The following BLK variants were observed in gnomAD, a reference collection of about 807,000 sequenced individuals.
The protein encoded by BLK is BLK proto-oncogene, Src family tyrosine kinase, also known as tyrosine-protein kinase Blk.
A neutral mutation model predicts 61.8 loss-of-function variants in BLK; 64 were observed. The observed-to-expected ratio is 1.03, with a 90% CI of 0.85 to 1.27. The LOEUF (loss-of-function observed/expected upper bound fraction) is 1.27. Ranked by LOEUF, BLK falls within the 50% of genes most tolerant of loss-of-function variation. The pLI, the probability that BLK is intolerant of heterozygous loss-of-function variation, is 0.00. For synonymous variants in BLK, 351 were observed against 272.0 expected (o/e 1.29, Z -2.86); for missense variants, 853 against 660.5 (o/e 1.29, Z -3.19).
chr8:11,494,878 G>A (rs1213068232), intron 1 of BLK, among the ~76,000 whole-genome samples: 1 of 152,258 alleles, frequency 6.6e-6, no homozygotes, highest in African/African-American at 2.4e-5. Flanking sequence ...GACGTGGGAT[G>A]TAGAGAGGGG....
chr8:11,495,100 G>C (rs1798316204), intron 1 of BLK, among the ~76,000 whole-genome samples: 1 of 152,366 alleles, frequency 6.6e-6, no homozygotes, highest in East Asian at 1.9e-4. Flanking sequence ...TGGGGTAACT[G>C]AATAGATGTA....
intron 6 of BLK, chr8:11,553,232 A>G: frequency 1.0e-5 from 2 of 198,954 alleles, no homozygotes; most frequent in Non-Finnish European, 2.1e-5. Context: ...GGTGTCCTTG[A>G]GCCTCTCAAG....
chr8:11,556,832 C>A lies in BLK; in HGVS notation c.947C>A (p.Ala316Asp), dbSNP rs781324612. 2 of 1,613,932 alleles carry A rather than the reference C, an allele frequency of 1.2e-6. No individual in the cohort carries two copies. Among genetic ancestry groups the A allele is most frequent in the Non-Finnish European group, 1.7e-6 (2 of 1,179,914 alleles). Residue 316 changes from alanine (A) to aspartate (D), a missense_variant, in exon 9 of 13, where the codon GCC becomes GAC. By Grantham distance (126) the Ala-to-Asp change is moderately radical. Transcript: ENST00000259089. Reference sequence around the variant, plus strand: ...ATCTACATTGTCACCGAGTACATGGCCAGAGGTGGTGCCCCCCGCAGAGCC... The same window carrying A: ...ATCTACATTGTCACCGAGTACATGGACAGAGGTGGTGCCCCCCGCAGAGCC... ...EPIYIVTEYM[A>D]RGCLLDFLKT... is the part of the protein sequence containing the mutation.
Position 11,543,494 on chromosome 8 carries a change from T to A in BLK, c.123+147T>A, listed in dbSNP as rs1800484840. 3 of 1,178,224 alleles carry A rather than the reference T, an allele frequency of 2.5e-6. No homozygotes were observed. In the African/African-American group the frequency reaches 4.6e-5, roughly 18 times the overall value. 73.0% of individuals were successfully genotyped at this position (1,178,224 alleles called of 1,614,324 possible). ...GTATAAGCAGGTGTGCCATGCAATA[T>A]AACACGCACAGGACCCGGCCTGGTT... is the stretch of plus-strand genomic sequence containing the variant. On this transcript the variant is annotated intron_variant, in intron 2 of 12. Transcript: ENST00000259089.
intron 1 of BLK, among the ~76,000 whole-genome samples, chr8:11,537,765 T>C (rs1230875423): frequency 6.6e-6 from 1 of 152,228 alleles, no homozygotes; most frequent in Non-Finnish European, 1.5e-5. Context: ...ATCCGTCAAG[T>C]GCTTTTCAAC....
intron 1 of BLK, among the ~76,000 whole-genome samples, chr8:11,508,911 G>C (rs2117276460): frequency 6.6e-6 from 1 of 152,324 alleles, no homozygotes; most frequent in South Asian, 2.1e-4. Flanking sequence ...CATCCACTGA[G>C]AGCTTTGGGA....
At position 11,564,010 on chromosome 8, in the gene BLK, C is replaced by T. The variant is rs1428445234; in HGVS notation, c.1420C>T (p.Arg474Cys). 6.2e-7 allele frequency: 1 copy of T among 1,605,264 alleles called. No individual in the cohort carries two copies. The change falls in exon 13 of 13, where the codon CGC becomes TGC. Residue 474 changes from arginine to cysteine, a missense_variant. Coordinates refer to ENST00000259089, the MANE Select transcript of BLK (RefSeq NM_001715.3). ...LYRGVIAECW[R>C]SRPEERPTFE... is the part of the protein sequence containing the mutation. ...CCGCGGCGTCATCGCCGAGTGCTGG[C>T]GCAGCCGGCCCGAGGAGCGGCCCAC...
chr8:11,555,211 A>G lies in BLK; in HGVS notation c.620-121A>G, dbSNP rs529387633. Reference sequence around the variant, plus strand: ...TGTGTGCATGTGCAGGCGTGTGCACACACCCATGCAGGGGGTGGGGTGGCT... The same window carrying G: ...TGTGTGCATGTGCAGGCGTGTGCACGCACCCATGCAGGGGGTGGGGTGGCT... On this transcript the variant is annotated intron_variant, in intron 7 of 12. Coordinates refer to ENST00000259089, the MANE Select transcript of BLK (RefSeq NM_001715.3). 387 of 1,329,650 alleles carry G rather than the reference A, an allele frequency of 2.9e-4. 2 individuals carry two copies. The South Asian group carries it at 4.4e-3, about 15-fold the overall frequency. The allele number at this position is 1,329,650 out of a possible 1,614,324, so 82.4% of individuals were successfully genotyped here. A position where few individuals can be genotyped will look rare whatever the true frequency, so the allele number is the denominator to read the frequency against.
intron 10 of BLK, chr8:11,560,876 G>A (rs2898289): frequency 0.39 from 181,591 of 463,934 alleles, 39,781 homozygotes; most frequent in East Asian, 0.92. Flanking sequence ...CTTCCCGAGG[G>A]CCTCCAGCTC....
At chr8:11,547,887 G>A (rs1008061373) in intron 3 of BLK, 145 bp from the exon 4 acceptor site, 6 of 749,122 alleles carry the variant, frequency 8.0e-6, no homozygotes, top group Admixed American at 4.0e-5. Context: ...TCACAGGGCT[G>A]GGGGTGGGGG....
At chr8:11,563,864 C>G in intron 12 of BLK, 39 bp from the exon 13 acceptor site, 1 of 1,580,044 alleles carries the variant, frequency 6.3e-7, no homozygotes, top group Non-Finnish European at 8.6e-7. Flanking sequence ...ACCGAGGACC[C>G]CAGCCCCTCA....
Position 11,533,628 on chromosome 8 carries a change from G to A in BLK, c.-1-9596G>A, listed in dbSNP as rs1160155442. On this transcript the variant is annotated intron_variant, in intron 1 of 12. Coordinates refer to ENST00000259089, the MANE Select transcript of BLK (RefSeq NM_001715.3). ...AGAAGGAGGAGGAGAGGAGTAGGAG[G>A]AGGGGGAAGGGGAGGTGGAGGAGAC... is the stretch of plus-strand genomic sequence containing the variant. 3.4e-5 allele frequency among the ~76,000 whole-genome samples: 5 copies of A among 148,970 alleles called. No individual in the cohort carries two copies. In the East Asian group the frequency reaches 5.9e-4, roughly 18 times the overall value.
chr8:11,513,755 G>C (rs189354085), intron 1 of BLK, among the ~76,000 whole-genome samples: 3 of 152,352 alleles, frequency 2.0e-5, no homozygotes, highest in Non-Finnish European at 4.4e-5. Context: ...GTGGTGCTCA[G>C]AACAGGTTGT....
intron 1 of BLK, among the ~76,000 whole-genome samples, chr8:11,540,726 G>A (rs1800335151): frequency 6.6e-6 from 1 of 151,972 alleles, no homozygotes; most frequent in Admixed American, 6.6e-5. Flanking sequence ...CATTCCTATA[G>A]AAGAAATTGG....
chr8:11,523,978 G>A (rs781060100), intron 1 of BLK, among the ~76,000 whole-genome samples: 1 of 151,838 alleles, frequency 6.6e-6, no homozygotes, highest in Non-Finnish European at 1.5e-5. Flanking sequence ...TTAAAAATGT[G>A]CATATTCTTA....
At chr8:11,555,272 C>T in intron 7 of BLK, 60 bp from the exon 8 acceptor site, 7 of 1,610,662 alleles carry the variant, frequency 4.3e-6, no homozygotes, top group African/African-American at 1.3e-5. Context: ...GATACAGCTC[C>T]CAAGGTAGAG....
At chr8:11,549,177 C>T in intron 5 of BLK, 55 bp downstream of exon 5, 2 of 1,499,016 alleles carry the variant, frequency 1.3e-6, no homozygotes, top group South Asian at 2.4e-5. Context: ...GTTTCTGCTC[C>T]CTGGGCTGTT....
At chr8:11,558,433 C>G (rs2117576738) in intron 10 of BLK, 1 of 360,952 alleles carries the variant, frequency 2.8e-6, no homozygotes, top group Non-Finnish European at 5.4e-6. Context: ...ATGGTGCCCA[C>G]AAACATCTCC....
At chr8:11,512,002 C>T (rs1465722952) in intron 1 of BLK, among the ~76,000 whole-genome samples, 1 of 152,062 alleles carries the variant, frequency 6.6e-6, no homozygotes, top group East Asian at 1.9e-4. Flanking sequence ...TTTATTCGTT[C>T]AAAGAAGAGA....
Sources: gnomAD v4.1 joint callset for allele counts (sites outside exome capture counted in the v4.1 genomes callset) on GRCh38, gnomAD v4.1.1 for gene constraint, MANE v1.5 for transcripts, NCBI Gene and HGNC (gene_info 2026-07-23, HGNC 2026-07-21) for gene names.